CDK14: variants seen among roughly 807,000 people sequenced by gnomAD.
CDK14 encodes cyclin-dependent kinase 14.
A neutral mutation model predicts 60.7 loss-of-function variants in CDK14; 34 were observed. That is an observed-to-expected ratio of 0.56 (90% CI 0.43 to 0.75). The LOEUF is 0.75. Among genes scored for constraint, CDK14 ranks in the 30% least tolerant of loss-of-function variants. CDK14 has a pLI of 0.00. For missense variants in CDK14, 482 were observed against 564.1 expected, an observed-to-expected ratio of 0.85 and a Z score of 1.47; for synonymous variants, 197 against 203.7, an observed-to-expected ratio of 0.97 and a Z score of 0.28.
chr7:91,032,598 G>A (rs1012681143), intron 10 of CDK14, among the ~76,000 whole-genome samples: 6 of 152,178 alleles, frequency 3.9e-5, no homozygotes, highest in African/African-American at 1.2e-4. Flanking sequence ...GGCAGAAATT[G>A]GAGTGATGCA....
chr7:91,041,091 TG>T (rs914228984), intron 10 of CDK14, among the ~76,000 whole-genome samples: 1 of 151,622 alleles, frequency 6.6e-6, no homozygotes, highest in African/African-American at 2.4e-5. Flanking sequence ...GAGGCACACC[TG>T]GAGGAGTGAG....
At chr7:90,808,707 A>C (rs11983946) in intron 5 of CDK14, among the ~76,000 whole-genome samples, 1 of 152,050 alleles carries the variant, frequency 6.6e-6, no homozygotes. Context: ...TCAGTGTGCT[A>C]TATTCAGGAA....
At chr7:90,992,664 G>T (rs371827806) in intron 10 of CDK14, among the ~76,000 whole-genome samples, 7 of 152,270 alleles carry the variant, frequency 4.6e-5, no homozygotes, top group African/African-American at 1.7e-4. Context: ...CAAATAACAG[G>T]GATCAGAGCA....
chr7:91,051,035 T>TA (rs1797375901), intron 11 of CDK14, among the ~76,000 whole-genome samples: 1 of 152,194 alleles, frequency 6.6e-6, no homozygotes, highest in South Asian at 2.1e-4. Flanking sequence ...TACTGGCAAT[T>TA]AGACTATTTT....
chr7:90,699,955 T>C (rs940996943), intron 2 of CDK14, among the ~76,000 whole-genome samples: 6 of 152,206 alleles, frequency 3.9e-5, no homozygotes, highest in African/African-American at 1.4e-4. Context: ...AGTAAAACTT[T>C]ACTTTCCCTA....
At chr7:90,668,855 C>T (rs138342509) in intron 2 of CDK14, among the ~76,000 whole-genome samples, 275 of 151,224 alleles carry the variant, frequency 1.8e-3, no homozygotes, top group Non-Finnish European at 3.1e-3. Flanking sequence ...ACCACAGATG[C>T]GTGCCACCGT....
intron 4 of CDK14, among the ~76,000 whole-genome samples, chr7:90,784,026 A>C (rs191302808): frequency 9.2e-5 from 14 of 152,334 alleles, no homozygotes; most frequent in African/African-American, 2.9e-4. Context: ...ATCAGCTTAC[A>C]AGTGTCCGTC....
intron 12 of CDK14, among the ~76,000 whole-genome samples, chr7:91,105,749 ATT>A (rs1380340693): frequency 1.3e-5 from 2 of 152,168 alleles, no homozygotes; most frequent in East Asian, 3.9e-4. Flanking sequence ...GTCACCCAGC[ATT>A]TTAGGTATTG....
intron 5 of CDK14, among the ~76,000 whole-genome samples, chr7:90,809,022 G>T (rs12112764): frequency 1.3e-5 from 2 of 151,908 alleles, no homozygotes; most frequent in Non-Finnish European, 2.9e-5. Context: ...AATAATAATG[G>T]GAGACTTTAA....
At chr7:90,967,804 T>C (rs1024942791) in intron 9 of CDK14, among the ~76,000 whole-genome samples, 1 of 152,236 alleles carries the variant, frequency 6.6e-6, no homozygotes, top group Non-Finnish European at 1.5e-5. Flanking sequence ...AACAAGTGTT[T>C]AGGCAATAGA....
intron 2 of CDK14, among the ~76,000 whole-genome samples, chr7:90,713,627 CTTT>C (rs34802725): frequency 1.5e-5 from 2 of 133,776 alleles, no homozygotes; most frequent in Admixed American, 7.5e-5. Context: ...TTTGGAAGTA[CTTT>C]TTTTTTTTTT....
chr7:90,608,571 CTT>C, intron 2 of CDK14: 1 of 984,386 alleles, frequency 1.0e-6, no homozygotes, highest in Non-Finnish European at 1.2e-6. Context: ...CTGCCTGGCT[CTT>C]TGGTGAGAAA....
chr7:91,065,974 T>C (rs930132560), intron 11 of CDK14, among the ~76,000 whole-genome samples: 1 of 152,210 alleles, frequency 6.6e-6, no homozygotes, highest in Non-Finnish European at 1.5e-5. Flanking sequence ...TTTGCCTTCA[T>C]GGAAGCAACC....
intron 5 of CDK14, among the ~76,000 whole-genome samples, chr7:90,820,943 T>A (rs112195673): frequency 6.6e-6 from 1 of 152,204 alleles, no homozygotes; most frequent in African/African-American, 2.4e-5. Context: ...GCCAGGGTCA[T>A]GTTAGACCCT....
At chr7:91,162,481 G>A (rs1475505682) in intron 14 of CDK14, among the ~76,000 whole-genome samples, 3 of 152,166 alleles carry the variant, frequency 2.0e-5, no homozygotes, top group Non-Finnish European at 4.4e-5. Context: ...AGGAAGTCAC[G>A]TTGAACTGGG....
At chr7:90,748,701 G>A (rs1393768739) in intron 4 of CDK14, among the ~76,000 whole-genome samples, 1 of 152,092 alleles carries the variant, frequency 6.6e-6, no homozygotes, top group African/African-American at 2.4e-5. Context: ...TCTTGCCTTA[G>A]CCTCCTGAGT....
chr7:90,753,197 G>A (rs1028598127), intron 4 of CDK14, among the ~76,000 whole-genome samples: 2 of 152,012 alleles, frequency 1.3e-5, no homozygotes, highest in Non-Finnish European at 2.9e-5. Flanking sequence ...AATGAAAACA[G>A]AAAACTAAAA....
chr7:90,963,091 G>GTGTGTGTA (rs1311403729), intron 9 of CDK14, among the ~76,000 whole-genome samples: 3 of 84,508 alleles, frequency 3.5e-5, no homozygotes, highest in African/African-American at 1.4e-4. Context: ...TTAAGAGTGT[G>GTGTGTGTA]TGTGTGTGTG....
intron 6 of CDK14, among the ~76,000 whole-genome samples, chr7:90,866,914 C>G (rs1791212477): frequency 6.6e-6 from 1 of 152,062 alleles, no homozygotes; most frequent in Non-Finnish European, 1.5e-5. Context: ...CTAAAGTGTT[C>G]TGTAATTTAG....
Sources: gnomAD v4.1 joint callset for allele counts (sites outside exome capture counted in the v4.1 genomes callset) on GRCh38, gnomAD v4.1.1 for gene constraint, MANE v1.5 for transcripts, NCBI Gene and HGNC (gene_info 2026-07-23, HGNC 2026-07-21) for gene names.